SORBS2: variants seen among roughly 807,000 people sequenced by gnomAD.
SORBS2 encodes the protein sorbin and SH3 domain containing 2.
In SORBS2, 46 loss-of-function variants were observed where a neutral mutation model predicts 97.7. The ratio of observed to expected loss-of-function variants is 0.47; its 90% CI spans 0.37 to 0.60. The LOEUF is 0.60. Among genes scored for constraint, SORBS2 ranks in the 20% least tolerant of loss-of-function variants. The pLI is 0.00. For missense variants in SORBS2, 1,316 were observed against 1,282.3 expected (o/e 1.03, Z -0.40); for synonymous variants, 476 against 473.4 (o/e 1.01, Z -0.07).
intron 1 of SORBS2, among the ~76,000 whole-genome samples, chr4:185,855,750 A>G (rs544715256): frequency 3.3e-5 from 5 of 152,178 alleles, no homozygotes; most frequent in Admixed American, 6.5e-5. Context: ...ATAACTTATT[A>G]CGCACCAAAG....
rs184863580 is a variant in SORBS2, at chr4:185,819,041, T to C, written c.-337-43675A>G. ...TAAAGACATGGTTTGCTTCCAACAA[T>C]TGGAAGCAAACTCAAGTTGTGTTTC... On this transcript the variant is annotated intron_variant, in intron 1 of 20. Coordinates refer to the SORBS2 transcript ENST00000284776. 2.6e-4 allele frequency among the ~76,000 whole-genome samples: 39 copies of C among 152,276 alleles called. 2 individuals carry two copies. In the East Asian group the frequency reaches 7.1e-3, roughly 28 times the overall value.
intron 1 of SORBS2, among the ~76,000 whole-genome samples, chr4:185,934,729 A>G (rs2099268125): frequency 1.3e-5 from 2 of 150,972 alleles, no homozygotes; most frequent in Admixed American, 1.3e-4. Context: ...GGCTGCAGTG[A>G]GCTGAGGTTG....
intron 1 of SORBS2, among the ~76,000 whole-genome samples, chr4:185,841,791 A>T (rs2099211716): frequency 6.6e-6 from 1 of 152,152 alleles, no homozygotes; most frequent in Admixed American, 6.5e-5. Context: ...TAAGGCTTTT[A>T]ATTGATTCTA....
intron 2 of SORBS2, among the ~76,000 whole-genome samples, chr4:185,722,979 CA>C (rs2098527544): frequency 6.6e-6 from 1 of 152,102 alleles, no homozygotes; most frequent in Admixed American, 6.5e-5. Flanking sequence ...AGCTGTCACC[CA>C]ACCCCAAAGG....
intron 1 of SORBS2, among the ~76,000 whole-genome samples, chr4:185,955,858 A>ACC (rs1195129006): frequency 6.8e-6 from 1 of 146,358 alleles, no homozygotes; most frequent in Non-Finnish European, 1.5e-5. Context: ...CTCCACCCCC[A>ACC]CCCCAGGTCT....
intron 1 of SORBS2, among the ~76,000 whole-genome samples, chr4:185,932,221 G>A (rs1435719443): frequency 6.6e-6 from 1 of 151,846 alleles, no homozygotes; most frequent in East Asian, 1.9e-4. Flanking sequence ...GGAGGCATTT[G>A]TCAGAGGGGC....
At chr4:185,644,760 A>G (rs1048597473) in intron 4 of SORBS2, among the ~76,000 whole-genome samples, 2 of 152,214 alleles carry the variant, frequency 1.3e-5, no homozygotes, top group African/African-American at 4.8e-5. Flanking sequence ...AATGATTGCT[A>G]TTGCTATTAT....
chr4:185,876,559 C>T (rs2099233768), intron 1 of SORBS2, among the ~76,000 whole-genome samples: 1 of 152,178 alleles, frequency 6.6e-6, no homozygotes, highest in Admixed American at 6.5e-5. Flanking sequence ...TCACTAAGCA[C>T]TTTTAATCCT....
intron 1 of SORBS2, among the ~76,000 whole-genome samples, chr4:185,827,825 CCATCAT>C (rs759738430): frequency 1.5e-5 from 2 of 137,764 alleles, no homozygotes; most frequent in East Asian, 2.3e-4. Flanking sequence ...ATCACCGTCA[CCATCAT>C]CATCATCATC....
At chr4:185,942,126 C>CA in intron 1 of SORBS2, among the ~76,000 whole-genome samples, 1 of 151,780 alleles carries the variant, frequency 6.6e-6, no homozygotes, top group Non-Finnish European at 1.5e-5. Flanking sequence ...AAACAAAAAA[C>CA]AAAAAACTAA....
In SORBS2 at chr4:185,796,969, C is replaced by T. The variant is rs146175903; in HGVS notation, c.-337-21603G>A. ...TGGGCATGCCTGGGCTCTGTGGCCA[C>T]GCTATTATTCCCTGGTCACAGTGGG... On this transcript the variant is annotated intron_variant, in intron 1 of 20. Coordinates refer to the SORBS2 transcript ENST00000284776. Among the ~76,000 whole-genome samples, 45 of 151,998 alleles carry T rather than the reference C, an allele frequency of 3.0e-4. No homozygotes were observed. The East Asian group carries it at 7.6e-3, about 26-fold the overall frequency.
intron 2 of SORBS2, among the ~76,000 whole-genome samples, chr4:185,686,352 C>T (rs1341407665): frequency 1.3e-5 from 2 of 152,092 alleles, no homozygotes; most frequent in African/African-American, 4.8e-5. Flanking sequence ...ATTCTTACTT[C>T]ACTTTTTTAA....
intron 2 of SORBS2, among the ~76,000 whole-genome samples, chr4:185,711,219 TCTCCCATCTCATC>T (rs1272230212): frequency 2.6e-5 from 4 of 151,868 alleles, no homozygotes; most frequent in Non-Finnish European, 5.9e-5. Context: ...CATCTCAGCC[TCTCCCATCTCATC>T]CTCCCATCTC....
chr4:185,854,779 A>G (rs924811001), intron 1 of SORBS2, among the ~76,000 whole-genome samples: 2 of 96,130 alleles, frequency 2.1e-5, no homozygotes, highest in Admixed American at 2.6e-4. Context: ...ACAAAGAGAA[A>G]TAGAGAAGAG....
rs534389217 is a variant in SORBS2, at chr4:185,687,184, C to T, written c.-197-8362G>A. 1.1e-4 allele frequency among the ~76,000 whole-genome samples: 17 copies of T among 152,222 alleles called. No homozygotes were observed. In the East Asian group the frequency reaches 1.7e-3, roughly 16 times the overall value. ...CTGGGATTACAGGCACATGCCACCA[C>T]GCCCAGCTAATTTTTAAAATTTTTA... On this transcript the variant is annotated intron_variant, in intron 2 of 20. Coordinates refer to the SORBS2 transcript ENST00000284776.
chr4:185,933,114 A>G (rs1022698710), intron 1 of SORBS2: 1 of 152,208 alleles, frequency 6.6e-6, no homozygotes, highest in Non-Finnish European at 1.5e-5. Context: ...ATTCCACATC[A>G]CTGTGACTCC....
chr4:185,700,948 A>T (rs2098252313), intron 2 of SORBS2, among the ~76,000 whole-genome samples: 1 of 152,246 alleles, frequency 6.6e-6, no homozygotes, highest in African/African-American at 2.4e-5. Context: ...ACATACAAAT[A>T]CAAATTTATA....
At chr4:185,803,714 T>C (rs185751183) in intron 1 of SORBS2, among the ~76,000 whole-genome samples, 57 of 152,310 alleles carry the variant, frequency 3.7e-4, no homozygotes, top group African/African-American at 1.3e-3. Flanking sequence ...ATATTAGTCC[T>C]GTAAAATTAA....
At position 185,676,893 on chromosome 4, in the gene SORBS2, GA is replaced by G. The variant is rs2097794730; in HGVS notation, c.-46+1529del. The G allele has an allele frequency of 2.9e-5, 26 of 891,000 alleles. 1 individual carries two copies. Among genetic ancestry groups the G allele is most frequent in the Middle Eastern group, 3.5e-4 (1 of 2,878 alleles). 55.2% of individuals were successfully genotyped at this position (891,000 alleles called of 1,614,324 possible). A position where few individuals can be genotyped will look rare whatever the true frequency, so the allele number is the denominator to read the frequency against. On this transcript the variant is annotated intron_variant, in intron 4 of 20. Coordinates refer to the SORBS2 transcript ENST00000284776. ...TCTTTCTCCTTTCCCTTCCTGCTTG[GA>G]AACTAAGAAAGCATTAGGTCATATA...
Sources: allele counts gnomAD v4.1 joint callset (sites outside exome capture counted in the v4.1 genomes callset), GRCh38; gene constraint gnomAD v4.1.1; transcripts MANE v1.5; gene names NCBI Gene and HGNC (gene_info 2026-07-23, HGNC 2026-07-21).